Variants in BCAS3 observed in about 807,000 individuals in gnomAD.
BCAS3 encodes BCAS3 microtubule associated cell migration factor.
BCAS3 carries 53 observed loss-of-function variants against 116.1 expected under a neutral mutation model. That is an observed-to-expected ratio of 0.46 (90% CI 0.37 to 0.57). The LOEUF is 0.57. Ranked by LOEUF, BCAS3 falls within the 20% of genes least tolerant of loss-of-function variation. BCAS3 has a pLI of 0.00. For synonymous variants in BCAS3, 391 were observed against 408.2 expected, an observed-to-expected ratio of 0.96 and a Z score of 0.51; for missense variants, 917 against 1,165.4, an observed-to-expected ratio of 0.79 and a Z score of 3.10.
intron 14 of BCAS3, among the ~76,000 whole-genome samples, chr17:60,981,826 A>G (rs1410375086): frequency 6.6e-6 from 1 of 152,216 alleles, no homozygotes; most frequent in African/African-American, 2.4e-5. Context: ...TAACTTTCAT[A>G]TGGCCATATA....
At chr17:61,247,369 T>C (rs894605504) in intron 22 of BCAS3, among the ~76,000 whole-genome samples, 9 of 152,154 alleles carry the variant, frequency 5.9e-5, no homozygotes, top group African/African-American at 1.7e-4. Context: ...AGGTCACTTA[T>C]CAAAAATATA....
At chr17:60,872,277 TATA>T (rs1399889544) in intron 8 of BCAS3, among the ~76,000 whole-genome samples, 2 of 151,904 alleles carry the variant, frequency 1.3e-5, no homozygotes, top group African/African-American at 4.8e-5. Flanking sequence ...AGTGTGTGTA[TATA>T]ATATGTGCAT....
In BCAS3 at chr17:61,132,890, C is replaced by T. The variant is rs1459670696; in HGVS notation, c.2425+48326C>T. Among the ~76,000 whole-genome samples, 1 of 152,166 alleles carries T rather than the reference C, an allele frequency of 6.6e-6. No homozygotes were observed. The highest frequency in any genetic ancestry group is 1.5e-5 in the Non-Finnish European group (1 of 68,032). On this transcript the variant is annotated intron_variant, in intron 22 of 23. Transcript: ENST00000407086. This position sits in a 1 kb window ranked among gnomAD's most constrained non-coding sequence, Gnocchi z 5.1. ...CCACCACCCCTGATTCATGACCTGA[C>T]CTACTGAAAGGTTTAACTTCCAGAG... is the stretch of plus-strand genomic sequence containing the variant.
In BCAS3 at chr17:61,139,090, A is replaced by G. The variant is rs1342346153; in HGVS notation, c.2425+54526A>G. ...AATTAGAGACAGAGATGAATTTTTT[A>G]TTCTTGGATTTTCAAGAATTGTTAT... is the stretch of plus-strand genomic sequence containing the variant. On this transcript the variant is annotated intron_variant, in intron 22 of 23. Transcript: ENST00000407086. The surrounding 1 kb of genome is among the most constrained non-coding windows in gnomAD (Gnocchi z 4.7). Among the ~76,000 whole-genome samples the G allele has an allele frequency of 6.6e-6, 1 of 152,180 alleles. No individual in the cohort carries two copies. Among genetic ancestry groups the G allele is most frequent in the Admixed American group, 6.5e-5 (1 of 15,278 alleles).
Position 61,101,623 on chromosome 17 carries a change from G to T in BCAS3, c.2425+17059G>T, listed in dbSNP as rs369303022. Among the ~76,000 whole-genome samples, 3 of 152,054 alleles carry T rather than the reference G, an allele frequency of 2.0e-5. No homozygotes were observed. In the East Asian group the frequency reaches 5.8e-4, roughly 29 times the overall value. On this transcript the variant is annotated intron_variant, in intron 22 of 23. Transcript: ENST00000407086. The stretch of plus-strand genomic sequence containing the variant: ...GAGTGAGGATTCCCAATGGACCATT[G>T]TACACTACAATATTTATTACTATAA...
At chr17:61,042,672 G>T (rs551482720) in intron 19 of BCAS3, among the ~76,000 whole-genome samples, 7 of 151,704 alleles carry the variant, frequency 4.6e-5, no homozygotes, top group African/African-American at 1.7e-4. Flanking sequence ...AGGATCACTT[G>T]AGGTCAGGAG....
intron 5 of BCAS3, among the ~76,000 whole-genome samples, chr17:60,714,455 A>G (rs1457167209): frequency 6.6e-6 from 1 of 152,106 alleles, no homozygotes; most frequent in Non-Finnish European, 1.5e-5. Flanking sequence ...CTTGAGGTCA[A>G]GAGTTTGAGA....
intron 22 of BCAS3, among the ~76,000 whole-genome samples, chr17:61,311,291 C>T (rs1224686775): frequency 1.3e-5 from 2 of 152,076 alleles, no homozygotes; most frequent in African/African-American, 4.8e-5. Context: ...TGTAGATGTA[C>T]CTTAAGACAT....
intron 22 of BCAS3, among the ~76,000 whole-genome samples, chr17:61,230,426 A>G (rs2082609344): frequency 6.6e-6 from 1 of 152,026 alleles, no homozygotes; most frequent in Non-Finnish European, 1.5e-5. Flanking sequence ...ATAGCGCCCA[A>G]TAGGTAGTTT....
At chr17:61,160,448 T>C (rs1208674540) in intron 22 of BCAS3, among the ~76,000 whole-genome samples, 6 of 152,150 alleles carry the variant, frequency 3.9e-5, no homozygotes, top group Admixed American at 3.3e-4. Context: ...GGCAGACAAG[T>C]ATGTCTCCCC....
At chr17:61,212,829 G>T (rs1360586365) in intron 22 of BCAS3, among the ~76,000 whole-genome samples, 1 of 152,018 alleles carries the variant, frequency 6.6e-6, no homozygotes, top group African/African-American at 2.4e-5. Flanking sequence ...GGCCTTTGTG[G>T]ATACCCCATT....
rs1256502786 is a variant in BCAS3, at chr17:61,095,036, A to T, written c.2425+10472A>T. Among the ~76,000 whole-genome samples, 1 of 152,254 alleles carries T rather than the reference A, an allele frequency of 6.6e-6. No individual in the cohort carries two copies. The highest frequency in any genetic ancestry group is 1.5e-5 in the Non-Finnish European group (1 of 68,044). On this transcript the variant is annotated intron_variant, in intron 22 of 23. Coordinates refer to ENST00000407086, the MANE Select transcript of BCAS3 (RefSeq NM_017679.5). The surrounding 1 kb of genome is among the most constrained non-coding windows in gnomAD (Gnocchi z 4.7). ...AGATAGGACAAAGGATTTTAATGTA[A>T]TAGAATATGAAAGTTAATTGATATA...
At chr17:61,330,906 T>C (rs1007979758) in intron 22 of BCAS3, among the ~76,000 whole-genome samples, 4 of 152,244 alleles carry the variant, frequency 2.6e-5, no homozygotes, top group African/African-American at 2.4e-5. Context: ...CCTGTAATCA[T>C]TGTCATTGTG....
chr17:60,930,798 A>G (rs539572830), intron 13 of BCAS3, among the ~76,000 whole-genome samples: 2 of 152,132 alleles, frequency 1.3e-5, no homozygotes, highest in African/African-American at 4.8e-5. Flanking sequence ...TTTAGACAAC[A>G]GTATTATAAA....
intron 9 of BCAS3, among the ~76,000 whole-genome samples, chr17:60,879,563 A>C (rs1367906577): frequency 6.6e-6 from 1 of 152,228 alleles, no homozygotes; most frequent in Non-Finnish European, 1.5e-5. Flanking sequence ...GTGTATGATT[A>C]GGAAAACAAA....
intron 7 of BCAS3, among the ~76,000 whole-genome samples, chr17:60,868,053 T>G (rs865794407): frequency 2.6e-5 from 4 of 151,462 alleles, no homozygotes; most frequent in Non-Finnish European, 5.9e-5. Context: ...AGACGGATTC[T>G]TGCTCTGTCA....
intron 5 of BCAS3, among the ~76,000 whole-genome samples, chr17:60,717,709 T>A (rs938079618): frequency 6.6e-6 from 1 of 152,168 alleles, no homozygotes; most frequent in Admixed American, 6.5e-5. Flanking sequence ...ATACCCGCCA[T>A]CTAGAGCAGC....
chr17:61,084,491 C>G lies in BCAS3; in HGVS notation c.2352C>G (p.Pro784=). The G allele has an allele frequency of 6.2e-7, 1 of 1,614,024 alleles. No individual in the cohort carries two copies. Among genetic ancestry groups the G allele is most frequent in the Non-Finnish European group, 8.5e-7 (1 of 1,179,914 alleles). ...SLRIQPVRSD[P]VSMPGSSRPV... ...GGATCCAGCCAGTCCGCTCTGACCC[C>G]GTCAGCATGCCAGGGTCATCCCGTC... The change falls in exon 22 of 24, where the codon CCC becomes CCG. Residue 784 remains proline (P), a synonymous_variant. Transcript: ENST00000407086. The surrounding 1 kb of genome is among the most constrained non-coding windows in gnomAD (Gnocchi z 5.5).
chr17:61,073,301 T>C lies in BCAS3; in HGVS notation c.2030-1619T>C, dbSNP rs2071609952. Among the ~76,000 whole-genome samples the C allele has an allele frequency of 1.3e-5, 2 of 152,230 alleles. No homozygotes were observed. The highest frequency in any genetic ancestry group is 2.9e-5 in the Non-Finnish European group (2 of 68,040). On this transcript the variant is annotated intron_variant, in intron 19 of 23. Transcript: ENST00000407086. This position sits in a 1 kb window ranked among gnomAD's most constrained non-coding sequence, Gnocchi z 4.6. ...AGCTAAAAGTTTTGATTACTGCAGA[T>C]CTTACACTTTAATACTGTGTATGCC...
Sources: allele counts gnomAD v4.1 joint callset (sites outside exome capture counted in the v4.1 genomes callset), GRCh38; gene constraint gnomAD v4.1.1; non-coding constraint Gnocchi (gnomAD v3.1); transcripts MANE v1.5; gene names NCBI Gene and HGNC (gene_info 2026-07-23, HGNC 2026-07-21).